PALD1: variants seen among roughly 807,000 people sequenced by gnomAD.
PALD1 encodes phosphatase domain containing paladin 1.
Under a neutral mutation model 96.0 loss-of-function variants are expected in PALD1, and 57 were observed. That is an observed-to-expected ratio of 0.59 (90% CI 0.48 to 0.74). The LOEUF (loss-of-function observed/expected upper bound fraction) is 0.74, where lower values mean the gene tolerates loss of function less well. Among genes scored for constraint, PALD1 ranks in the 30% least tolerant of loss-of-function variants. PALD1 has a pLI of 0.00. For synonymous variants in PALD1, 464 were observed against 473.6 expected, an observed-to-expected ratio of 0.98 and a Z score of 0.26; for missense variants, 1,063 against 1,143.7, an observed-to-expected ratio of 0.93 and a Z score of 1.02.
the PALD1 span, among the ~76,000 whole-genome samples, chr10:70,464,176 G>T: frequency 6.7e-6 from 1 of 149,726 alleles, no homozygotes. Flanking sequence ...TCATATAAAT[G>T]ATGAGATCTT....
chr10:70,518,644 A>G (rs1846662510), intron 1 of PALD1, among the ~76,000 whole-genome samples: 2 of 152,238 alleles, frequency 1.3e-5, no homozygotes, highest in African/African-American at 2.4e-5. Flanking sequence ...AATTGACTTG[A>G]TATTGACTTG....
intron 18 of PALD1, among the ~76,000 whole-genome samples, chr10:70,561,835 A>T (rs576594472): frequency 1.1e-4 from 16 of 151,618 alleles, no homozygotes; most frequent in African/African-American, 3.4e-4. Flanking sequence ...GCCCTCCGCC[A>T]CTCAAGGCAC....
At chr10:70,487,375 C>G (rs991824823) in intron 1 of PALD1, among the ~76,000 whole-genome samples, 6 of 151,880 alleles carry the variant, frequency 4.0e-5, no homozygotes, top group African/African-American at 1.5e-4. Context: ...CCTTGTGATC[C>G]GCCCGTCTTG....
At chr10:70,560,282 G>C (rs1440825598) in intron 18 of PALD1, among the ~76,000 whole-genome samples, 1 of 152,128 alleles carries the variant, frequency 6.6e-6, no homozygotes, top group Non-Finnish European at 1.5e-5. Context: ...ACAGAGACAA[G>C]AGTGAGCAGG....
chr10:70,524,331 T>G (rs1254057014), intron 1 of PALD1, among the ~76,000 whole-genome samples: 1 of 152,124 alleles, frequency 6.6e-6, no homozygotes, highest in Non-Finnish European at 1.5e-5. Flanking sequence ...CCTCTGTCCC[T>G]CCTGTCTGTC....
chr10:70,496,470 A>T (rs559372207), intron 1 of PALD1, among the ~76,000 whole-genome samples: 2 of 152,078 alleles, frequency 1.3e-5, no homozygotes, highest in Non-Finnish European at 2.9e-5. Context: ...CGCCTTCCCA[A>T]GGATCAGTCC....
the PALD1 span, among the ~76,000 whole-genome samples, chr10:70,472,799 C>T: frequency 6.6e-6 from 1 of 152,048 alleles, no homozygotes; most frequent in Admixed American, 6.6e-5. Context: ...TGTACGAGTG[C>T]TGGCTGGGGG....
At chr10:70,484,434 G>T (rs1176284100) in intron 1 of PALD1, among the ~76,000 whole-genome samples, 1 of 152,116 alleles carries the variant, frequency 6.6e-6, no homozygotes, top group African/African-American at 2.4e-5. Flanking sequence ...TTACATCAAA[G>T]AATACAACCA....
chr10:70,561,558 A>G (rs1352299927), intron 18 of PALD1, among the ~76,000 whole-genome samples: 3 of 151,668 alleles, frequency 2.0e-5, no homozygotes, highest in East Asian at 1.9e-4. Context: ...GTTGTTGTTC[A>G]CTCCCCAGTC....
chr10:70,506,824 C>T (rs1461663413), intron 1 of PALD1, among the ~76,000 whole-genome samples: 2 of 152,160 alleles, frequency 1.3e-5, no homozygotes, highest in Non-Finnish European at 2.9e-5. Context: ...CCTCTGTCTT[C>T]CTTCTGACCT....
At chr10:70,513,261 G>C (rs943093468) in intron 1 of PALD1, among the ~76,000 whole-genome samples, 2 of 152,130 alleles carry the variant, frequency 1.3e-5, no homozygotes, top group African/African-American at 4.8e-5. Context: ...TTGGGAGGCC[G>C]AGGTGGGTGC....
At chr10:70,541,609 G>A in intron 17 of PALD1, 75 bp downstream of exon 17, 1 of 1,124,190 alleles carries the variant, frequency 8.9e-7, no homozygotes, top group South Asian at 1.3e-5. Flanking sequence ...GCCGGTCTAG[G>A]GGTCCTCAAA....
intron 1 of PALD1, among the ~76,000 whole-genome samples, chr10:70,521,448 G>A (rs1261170591): frequency 2.0e-5 from 3 of 152,136 alleles, no homozygotes; most frequent in Non-Finnish European, 2.9e-5. Flanking sequence ...TGAGGGCTTT[G>A]GAATATTAAT....
chr10:70,492,854 T>C (rs1430373000), intron 1 of PALD1, among the ~76,000 whole-genome samples: 1 of 152,236 alleles, frequency 6.6e-6, no homozygotes, highest in African/African-American at 2.4e-5. Flanking sequence ...TTTTATGGTA[T>C]GTGAATTATA....
chr10:70,561,364 C>T (rs946770796), intron 18 of PALD1, among the ~76,000 whole-genome samples: 3 of 152,212 alleles, frequency 2.0e-5, no homozygotes, highest in African/African-American at 7.2e-5. Flanking sequence ...TCCTTTTCTT[C>T]CTTCTAAGAA....
intron 1 of PALD1, among the ~76,000 whole-genome samples, chr10:70,511,664 T>A (rs1036641732): frequency 9.9e-5 from 15 of 152,192 alleles, no homozygotes; most frequent in Non-Finnish European, 8.8e-5. Flanking sequence ...CTGTGTCCTC[T>A]TATGGCAGAA....
At chr10:70,515,049 CCA>C (rs1846592158) in intron 1 of PALD1, among the ~76,000 whole-genome samples, 2 of 152,200 alleles carry the variant, frequency 1.3e-5, no homozygotes, top group Admixed American at 6.5e-5. Flanking sequence ...TAGATGGCCC[CCA>C]GTCTTTGGTG....
chr10:70,545,192 G>A, intron 17 of PALD1, among the ~76,000 whole-genome samples: 1 of 151,112 alleles, frequency 6.6e-6, no homozygotes, highest in Non-Finnish European at 1.5e-5. Context: ...GGGGTAGGTG[G>A]TGGGAGGGGT....
intron 1 of PALD1, among the ~76,000 whole-genome samples, chr10:70,507,631 A>G (rs1371727689): frequency 2.0e-5 from 3 of 152,150 alleles, no homozygotes; most frequent in Non-Finnish European, 4.4e-5. Context: ...CACGTTGCCC[A>G]GGCTGGTCTC....
Sources: gnomAD v4.1 joint callset for allele counts (sites outside exome capture counted in the v4.1 genomes callset) on GRCh38, gnomAD v4.1.1 for gene constraint, MANE v1.5 for transcripts, NCBI Gene and HGNC (gene_info 2026-07-23, HGNC 2026-07-21) for gene names.